FKBP15: variants seen among roughly 807,000 people sequenced by gnomAD.
FKBP15 encodes FKBP prolyl isomerase family member 15.
In FKBP15, 106 loss-of-function variants were observed where a neutral mutation model predicts 158.1. The ratio of observed to expected loss-of-function variants is 0.67; its 90% CI spans 0.57 to 0.79. The LOEUF is 0.79. Ranked by LOEUF, FKBP15 falls within the 30% of genes least tolerant of loss-of-function variation. The pLI is 0.00. For missense variants in FKBP15, 1,287 were observed against 1,479.1 expected, an observed-to-expected ratio of 0.87 and a Z score of 2.13; for synonymous variants, 547 against 548.6, an observed-to-expected ratio of 1.00 and a Z score of 0.04.
chr9:113,194,741 T>C (rs1415170227), intron 9 of FKBP15, among the ~76,000 whole-genome samples: 1 of 152,228 alleles, frequency 6.6e-6, no homozygotes, highest in African/African-American at 2.4e-5. Flanking sequence ...TAAATATTAA[T>C]TTGCAACATT....
Position 113,173,545 on chromosome 9 carries a change from CCAA to C in FKBP15, c.2437_2439del (p.Leu813del), listed in dbSNP as rs1424054434. On this transcript the variant is annotated inframe_deletion, in exon 23 of 28. Coordinates refer to ENST00000238256, the MANE Select transcript of FKBP15 (RefSeq NM_015258.2). ...TGCAGGTGCTCATCCTTGGCGGAGGCCAACAAATGTTCACATTTTGCTTCCCAC... is the reference window on the plus strand; with the variant it reads ...TGCAGGTGCTCATCCTTGGCGGAGGCCAAATGTTCACATTTTGCTTCCCAC... 1 of 1,613,858 alleles carries C rather than the reference CCAA, an allele frequency of 6.2e-7. No individual in the cohort carries two copies. The highest frequency in any genetic ancestry group is 2.2e-5 in the East Asian group (1 of 44,888).
chr9:113,161,462 A>G lies in FKBP15; in HGVS notation c.*4616T>C. ...AACAGGTGGAGGTGCTGGAAGGGAAACAGTGCTGGCCTGGCCAGGTCTCCA... is the reference window on the plus strand; with the variant it reads ...AACAGGTGGAGGTGCTGGAAGGGAAGCAGTGCTGGCCTGGCCAGGTCTCCA... On this transcript the variant is annotated 3_prime_UTR_variant, in exon 28 of 28. Coordinates refer to ENST00000238256, the MANE Select transcript of FKBP15 (RefSeq NM_015258.2). The G allele has an allele frequency of 1.3e-6, 2 of 1,569,990 alleles. No individual in the cohort carries two copies. The highest frequency in any genetic ancestry group is 8.7e-7 in the Non-Finnish European group (1 of 1,145,620).
At chr9:113,211,683 T>C (rs1831009299) in intron 1 of FKBP15, 91 bp from the exon 2 acceptor site, 4 of 827,496 alleles carry the variant, frequency 4.8e-6, no homozygotes, top group Non-Finnish European at 7.7e-6. Flanking sequence ...CTTGAACAAA[T>C]ACCTCCTTGA....
At chr9:113,188,945 G>A (rs1830529119) in intron 12 of FKBP15, among the ~76,000 whole-genome samples, 1 of 152,178 alleles carries the variant, frequency 6.6e-6, no homozygotes, top group Non-Finnish European at 1.5e-5. Context: ...ATCAGATAAC[G>A]TAGGATTCAC....
chr9:113,166,934 C>T (rs1415219819), intron 27 of FKBP15, among the ~76,000 whole-genome samples: 2 of 152,246 alleles, frequency 1.3e-5, no homozygotes, highest in Non-Finnish European at 2.9e-5. Context: ...AAGGCATTCT[C>T]TGCTCTGGTG....
chr9:113,182,948 C>T (rs1830425961), intron 18 of FKBP15, 80 bp from the exon 19 acceptor site: 1 of 1,121,802 alleles, frequency 8.9e-7, no homozygotes. Flanking sequence ...CCATTCTGTC[C>T]TCACAACATT....
At chr9:113,210,884 CT>C (rs1830987998) in intron 2 of FKBP15, among the ~76,000 whole-genome samples, 1 of 152,218 alleles carries the variant, frequency 6.6e-6, no homozygotes, top group Non-Finnish European at 1.5e-5. Flanking sequence ...AGTTCTTTGG[CT>C]TTTGGACTCT....
intron 9 of FKBP15, among the ~76,000 whole-genome samples, chr9:113,194,602 T>C (rs1418683034): frequency 1.3e-5 from 2 of 152,090 alleles, no homozygotes; most frequent in Non-Finnish European, 1.5e-5. Context: ...AAGACAAAGG[T>C]AGCAATCACC....
At chr9:113,182,966 T>A in intron 18 of FKBP15, 98 bp from the exon 19 acceptor site, 1 of 963,586 alleles carries the variant, frequency 1.0e-6, no homozygotes, top group South Asian at 1.4e-5. Context: ...ATTGCTGCTC[T>A]ATACCTTTGT....
Position 113,190,506 on chromosome 9 carries a change from G to A in FKBP15, c.1138C>T (p.Pro380Ser), listed in dbSNP as rs1205091403. 2 of 1,612,234 alleles carry A rather than the reference G, an allele frequency of 1.2e-6. No homozygotes were observed. The highest frequency in any genetic ancestry group is 3.3e-5 in the Admixed American group (2 of 59,788). Residue 380 changes from proline (P) to serine (S), a missense_variant, in exon 12 of 28, where the codon CCA becomes TCA. By Grantham distance (74) the Pro-to-Ser change is moderately conservative. Coordinates refer to ENST00000238256, the MANE Select transcript of FKBP15 (RefSeq NM_015258.2). ...GAATCATTGGAATCCAGCTGTGGTG[G>A]AAGGATGGGCAGCATGGGCTGGCCC... ...KMGQPMLPIL[P>S]PQLDSNDSEI...
At chr9:113,186,957 G>A (rs776594170) in intron 14 of FKBP15, 5 of 152,234 alleles carry the variant, frequency 3.3e-5, no homozygotes, top group African/African-American at 4.8e-5. Context: ...CTGACAGATA[G>A]TAAGCGCTTA....
intron 2 of FKBP15, among the ~76,000 whole-genome samples, chr9:113,211,222 T>TA (rs1280969962): frequency 1.3e-5 from 2 of 152,184 alleles, no homozygotes; most frequent in African/African-American, 2.4e-5. Context: ...CAGGCTGGAG[T>TA]ACAGTGGCTC....
chr9:113,184,541 T>C lies in FKBP15; in HGVS notation c.1609-142A>G. The C allele has an allele frequency of 1.1e-6, 1 of 911,766 alleles. No individual in the cohort carries two copies. Among genetic ancestry groups the C allele is most frequent in the Non-Finnish European group, 1.7e-6 (1 of 581,170 alleles). 56.5% of individuals were successfully genotyped at this position (911,766 alleles called of 1,614,324 possible). A position where few individuals can be genotyped will look rare whatever the true frequency, so the allele number is the denominator to read the frequency against. On this transcript the variant is annotated intron_variant, in intron 16 of 27. Transcript: ENST00000238256. The surrounding 1 kb of genome is among the most constrained non-coding windows in gnomAD (Gnocchi z 4.5). Reference sequence around the variant, plus strand: ...CTGTTAAGTTAGAGTTTTCTCCTACTAACTGGATCCCAACATAATTATAAC... The same window carrying C: ...CTGTTAAGTTAGAGTTTTCTCCTACCAACTGGATCCCAACATAATTATAAC...
chr9:113,183,811 T>C lies in FKBP15; in HGVS notation c.1751A>G (p.Lys584Arg). 1 of 1,613,492 alleles carries C rather than the reference T, an allele frequency of 6.2e-7. No individual in the cohort carries two copies. The highest frequency in any genetic ancestry group is 8.5e-7 in the Non-Finnish European group (1 of 1,179,562). Reference protein sequence around the residue: ...NERLKQEILEKSNRIEEQNDK... With the variant: ...NERLKQEILERSNRIEEQNDK... ...ATTCTGTTCTTCTATCCGATTGCTC[T>C]TTTCAAGGATCTCTTGCTTCAATCT... Residue 584 changes from lysine to arginine, a missense_variant, in exon 18 of 28, where the codon AAG (lysine) becomes AGG (arginine). Transcript: ENST00000238256.
intron 4 of FKBP15, among the ~76,000 whole-genome samples, chr9:113,203,554 G>C (rs1444065733): frequency 1.3e-5 from 2 of 150,324 alleles, no homozygotes; most frequent in Admixed American, 1.3e-4. Context: ...TTTTGAGACA[G>C]AGTCTCTCTG....
chr9:113,177,647 TAAAAG>T (rs1379958429), intron 20 of FKBP15, among the ~76,000 whole-genome samples: 1 of 152,108 alleles, frequency 6.6e-6, no homozygotes, highest in Non-Finnish European at 1.5e-5. Flanking sequence ...TTTAAAAAAA[TAAAAG>T]GGAAGGGATG....
At chr9:113,187,090 T>C (rs886903336) in intron 14 of FKBP15, 1 of 152,336 alleles carries the variant, frequency 6.6e-6, no homozygotes, top group Non-Finnish European at 1.5e-5. Context: ...GTCTACAGCA[T>C]AGTAATTCTC....
intron 25 of FKBP15, among the ~76,000 whole-genome samples, chr9:113,170,166 C>T (rs1291739916): frequency 1.3e-5 from 2 of 151,934 alleles, no homozygotes; most frequent in African/African-American, 4.8e-5. Context: ...CTCTGTTATC[C>T]AGGCTGGAGT....
chr9:113,199,723 C>T, intron 7 of FKBP15, 91 bp downstream of exon 7: 4 of 1,305,028 alleles, frequency 3.1e-6, no homozygotes, highest in South Asian at 1.5e-5. Flanking sequence ...TATTTGACAA[C>T]AGCAGCCGTT....
Sources: gnomAD v4.1 joint callset for allele counts (sites outside exome capture counted in the v4.1 genomes callset) on GRCh38, gnomAD v4.1.1 for gene constraint, Gnocchi (gnomAD v3.1) non-coding constraint, MANE v1.5 for transcripts, NCBI Gene and HGNC (gene_info 2026-07-23, HGNC 2026-07-21) for gene names.